Variants in NXNL2 observed in about 807,000 individuals in gnomAD.
The protein encoded by NXNL2 is nucleoredoxin-like protein 2.
NXNL2 carries 7 observed loss-of-function variants against 11.1 expected under a neutral mutation model. That is an observed-to-expected ratio of 0.63 (90% CI 0.36 to 1.18). The LOEUF (loss-of-function observed/expected upper bound fraction) is 1.18. Among genes scored for constraint, NXNL2 ranks in the 50% most tolerant of loss-of-function variants. The pLI is 0.02. For synonymous variants in NXNL2, 109 were observed against 101.8 expected (o/e 1.07, Z -0.42); for missense variants, 233 against 217.7 (o/e 1.07, Z -0.44).
At chr9:88,546,496 A>G (rs1314108150), downstream of NXNL2, among the ~76,000 whole-genome samples, 1 of 146,268 alleles carries the variant, frequency 6.8e-6, no homozygotes, top group Non-Finnish European at 1.5e-5. Flanking sequence ...GCTCACTGCA[A>G]TCTCTGCCTC....
intron 2 of NXNL2, chr9:88,575,038 T>C (rs1279542682): frequency 5.2e-6 from 3 of 576,468 alleles, no homozygotes; most frequent in Admixed American, 6.4e-5. Flanking sequence ...GAGGAGGTCA[T>C]TAAAAGATCT....
chr9:88,573,378 A>C (rs1587856809), intron 2 of NXNL2, among the ~76,000 whole-genome samples: 1 of 152,174 alleles, frequency 6.6e-6, no homozygotes, highest in African/African-American at 2.4e-5. Context: ...TCCTGGGCTC[A>C]AGTGATCCCC....
intron 1 of NXNL2, among the ~76,000 whole-genome samples, chr9:88,537,402 C>G (rs1288688788): frequency 6.6e-6 from 1 of 152,198 alleles, no homozygotes; most frequent in East Asian, 1.9e-4. Context: ...TCTGGTCAAG[C>G]CTGTGAGCTC....
chr9:88,541,106 T>TG (rs1458838201), intron 1 of NXNL2, among the ~76,000 whole-genome samples: 1 of 144,002 alleles, frequency 6.9e-6, no homozygotes, highest in Admixed American at 7.0e-5. Context: ...CAGCCACACC[T>TG]GGTTATTTTT....
At chr9:88,577,064 G>C (rs1478253903), downstream of NXNL2, among the ~76,000 whole-genome samples, 1 of 152,122 alleles carries the variant, frequency 6.6e-6, no homozygotes, top group African/African-American at 2.4e-5. Flanking sequence ...AGGTGTCCTG[G>C]CCATGAGGAG....
chr9:88,567,259 C>A (rs1830189599), intron 1 of NXNL2, among the ~76,000 whole-genome samples: 1 of 152,144 alleles, frequency 6.6e-6, no homozygotes, highest in South Asian at 2.1e-4. Flanking sequence ...CGGCCTCAAC[C>A]TCCTGAGTAG....
chr9:88,559,687 G>A (rs994782697), intron 1 of NXNL2, among the ~76,000 whole-genome samples: 16 of 152,116 alleles, frequency 1.1e-4, no homozygotes, highest in Admixed American at 4.6e-4. Context: ...CATTCTACTC[G>A]CCCAGTTTGT....
chr9:88,549,773 C>T (rs915487600), downstream of NXNL2, among the ~76,000 whole-genome samples: 7 of 152,138 alleles, frequency 4.6e-5, no homozygotes, highest in Admixed American at 6.6e-5. Context: ...AGGTGAAAGG[C>T]GAGCAGGCAT....
chr9:88,551,034 G>A (rs1295095867), intron 1 of NXNL2, among the ~76,000 whole-genome samples: 5 of 152,114 alleles, frequency 3.3e-5, no homozygotes, highest in African/African-American at 1.2e-4. Context: ...CTTGTCGGGG[G>A]TGGCAGGCCT....
At chr9:88,566,647 AT>A (rs1455370467) in intron 1 of NXNL2, among the ~76,000 whole-genome samples, 1 of 152,130 alleles carries the variant, frequency 6.6e-6, no homozygotes, top group Non-Finnish European at 1.5e-5. Flanking sequence ...TTCAGGTCTT[AT>A]ATTTAAATCT....
chr9:88,582,243 C>T lies in NXNL2; in HGVS notation n.552-1756C>T, dbSNP rs1400594420. On this transcript the variant is annotated intron_variant and non_coding_transcript_variant, in intron 1 of 1. Coordinates refer to the NXNL2 transcript ENST00000478686. ...CCTGTAATCCCAGCACTTTGTGAGG[C>T]CGAGGTGGGCGGATCACGAGGTCAG... Among the ~76,000 whole-genome samples, 3 of 152,242 alleles carry T rather than the reference C, an allele frequency of 2.0e-5. No homozygotes were observed. In the East Asian group the frequency reaches 5.8e-4, roughly 29 times the overall value.
intron 1 of NXNL2, among the ~76,000 whole-genome samples, chr9:88,537,424 A>G (rs888395948): frequency 6.6e-6 from 1 of 152,226 alleles, no homozygotes; most frequent in Non-Finnish European, 1.5e-5. Context: ...AGCTGGAGGC[A>G]GTGAGCTGCG....
At chr9:88,554,369 T>C (rs1248222861) in intron 1 of NXNL2, among the ~76,000 whole-genome samples, 2 of 152,126 alleles carry the variant, frequency 1.3e-5, no homozygotes, top group Non-Finnish European at 2.9e-5. Context: ...CCACAGCAGC[T>C]AATTTTTGTC....
intron 1 of NXNL2, among the ~76,000 whole-genome samples, chr9:88,560,740 C>T (rs1253610819): frequency 6.6e-6 from 1 of 151,930 alleles, no homozygotes; most frequent in Admixed American, 6.6e-5. Flanking sequence ...AAGACCCAGT[C>T]TCTAAAAAAA....
downstream of NXNL2, among the ~76,000 whole-genome samples, chr9:88,579,501 T>TGGAGGTG (rs1481725987): frequency 6.6e-6 from 1 of 152,284 alleles, no homozygotes; most frequent in East Asian, 1.9e-4. Flanking sequence ...TCAAGTCCAG[T>TGGAGGTG]GGAGGTGGGG....
chr9:88,546,781 T>A (rs1829851761), downstream of NXNL2, among the ~76,000 whole-genome samples: 1 of 152,168 alleles, frequency 6.6e-6, no homozygotes, highest in Non-Finnish European at 1.5e-5. Flanking sequence ...TATTCCAGCC[T>A]TCTTTCCGAG....
chr9:88,540,957 T>C (rs1024922761), intron 1 of NXNL2, among the ~76,000 whole-genome samples: 2 of 127,836 alleles, frequency 1.6e-5, no homozygotes, highest in Admixed American at 8.3e-5. Flanking sequence ...TTTTTTTTTT[T>C]TTTTTGGAGC....
chr9:88,571,267 C>T, intron 2 of NXNL2: 1 of 256,802 alleles, frequency 3.9e-6, no homozygotes, highest in South Asian at 3.6e-5. Flanking sequence ...CAGGGTTTCA[C>T]CATGTTGTCC....
downstream of NXNL2, among the ~76,000 whole-genome samples, chr9:88,579,781 C>T (rs945168830): frequency 6.6e-6 from 1 of 152,120 alleles, no homozygotes; most frequent in African/African-American, 2.4e-5. Flanking sequence ...TGGCCCCAAA[C>T]AAATGTCCAC....
Sources: gnomAD v4.1 joint callset for allele counts (sites outside exome capture counted in the v4.1 genomes callset) on GRCh38, gnomAD v4.1.1 for gene constraint, MANE v1.5 for transcripts, NCBI Gene and HGNC (gene_info 2026-07-23, HGNC 2026-07-21) for gene names.